Variants in FAT2 observed in about 807,000 individuals in gnomAD.
FAT2 encodes protocadherin Fat 2.
In FAT2, 150 loss-of-function variants were observed where a neutral mutation model predicts 295.3. The ratio of observed to expected loss-of-function variants is 0.51; its 90% CI spans 0.44 to 0.58. FAT2 has a LOEUF of 0.58. Among genes scored for constraint, FAT2 ranks in the 20% least tolerant of loss-of-function variants. The probability of loss-of-function intolerance (pLI) is 0.00; values close to 1 mark genes in which losing one functional copy is unlikely to be tolerated. For synonymous variants in FAT2, 2,026 were observed against 2,150.3 expected (o/e 0.94, Z 1.60); for missense variants, 4,868 against 5,442.7 (o/e 0.89, Z 3.32).
In FAT2 at chr5:151,507,224, C is replaced by T. The variant is rs758682292; in HGVS notation, c.12447G>A (p.Pro4149=). ...PVVCSVPPRL[P]PAAVPSHSDN... Reference sequence around the variant, plus strand: ...CAGAGTGGGAAGGGACCGCAGCTGGCGGGAGTCTGGGGGGCACACTGCAGA... The same window carrying T: ...CAGAGTGGGAAGGGACCGCAGCTGGTGGGAGTCTGGGGGGCACACTGCAGA... The change falls in exon 23 of 24, where the codon CCG becomes CCA. Residue 4149 remains proline, a synonymous_variant. Transcript: ENST00000261800. The T allele has an allele frequency of 6.4e-5, 103 of 1,612,932 alleles. No homozygotes were observed. Among genetic ancestry groups the T allele is most frequent in the Non-Finnish European group, 7.8e-5 (92 of 1,179,312 alleles).
intron 17 of FAT2, 21 bp downstream of exon 17, chr5:151,527,213 G>T: frequency 6.3e-7 from 1 of 1,588,566 alleles, no homozygotes; most frequent in South Asian, 1.1e-5. Context: ...GGCTCAGGGT[G>T]CCTTGGAGGC....
intron 13 of FAT2, 60 bp from the exon 14 acceptor site, chr5:151,532,030 A>T: frequency 6.3e-7 from 1 of 1,582,092 alleles, no homozygotes. Flanking sequence ...ACCTGCCTGC[A>T]GCAAACCCTG....
intron 20 of FAT2, among the ~76,000 whole-genome samples, chr5:151,514,461 A>G (rs1302926943): frequency 1.3e-5 from 2 of 152,168 alleles, no homozygotes; most frequent in Non-Finnish European, 2.9e-5. Context: ...CTCTTGGTAA[A>G]CCCACAACTA....
chr5:151,556,514 T>C, intron 3 of FAT2, 112 bp from the exon 4 acceptor site: 1 of 718,842 alleles, frequency 1.4e-6, no homozygotes, highest in South Asian at 1.8e-5. Context: ...TTCTGATCTT[T>C]GAAGAACATG....
In FAT2 at chr5:151,521,271, C is replaced by A; in HGVS notation, c.11317+5G>T. The A allele has an allele frequency of 1.2e-6, 2 of 1,600,578 alleles. No individual in the cohort carries two copies. The highest frequency in any genetic ancestry group is 8.5e-7 in the Non-Finnish European group (1 of 1,171,842). ...GCTCGTCCCTAGGGAAGATGTAGTA[C>A]TTACCATTGCAGGAGCAGCTCCTCT... On this transcript the variant is annotated splice_donor_5th_base_variant and intron_variant, in intron 19 of 23. Coordinates refer to ENST00000261800, the MANE Select transcript of FAT2 (RefSeq NM_001447.3).
At chr5:151,586,239 A>C (rs150435235) in intron 1 of FAT2, among the ~76,000 whole-genome samples, 171 of 152,316 alleles carry the variant, frequency 1.1e-3, no homozygotes, top group Non-Finnish European at 2.0e-3. Flanking sequence ...GGCGTGTTTC[A>C]TCCTGCTTGG....
At chr5:151,507,693 G>A (rs931464646) in intron 22 of FAT2, 82 bp from the exon 23 acceptor site, 1 of 1,295,156 alleles carries the variant, frequency 7.7e-7, no homozygotes, top group Non-Finnish European at 1.0e-6. Context: ...ATGGGATAGA[G>A]ACTGCTCCCC....
chr5:151,563,001 A>G (rs532063362), intron 3 of FAT2, among the ~76,000 whole-genome samples: 201 of 152,290 alleles, frequency 1.3e-3, no homozygotes, highest in African/African-American at 4.7e-3. Flanking sequence ...AGGTTGACCA[A>G]TGGGCAACCT....
intron 3 of FAT2, among the ~76,000 whole-genome samples, chr5:151,562,639 AC>A (rs1561870808): frequency 1.3e-5 from 2 of 152,240 alleles, no homozygotes; most frequent in South Asian, 4.1e-4. Context: ...TTTTTAAAAA[AC>A]AACCAGAAAC....
intron 20 of FAT2, among the ~76,000 whole-genome samples, chr5:151,516,448 A>G (rs1752871452): frequency 6.6e-6 from 1 of 152,170 alleles, no homozygotes; most frequent in Admixed American, 6.5e-5. Context: ...CCCAGGAGGC[A>G]GAGGTTGCAG....
chr5:151,528,849 C>A (rs1724073082), intron 15 of FAT2, among the ~76,000 whole-genome samples: 1 of 152,194 alleles, frequency 6.6e-6, no homozygotes, highest in Non-Finnish European at 1.5e-5. Flanking sequence ...TATGACCAGG[C>A]CCTTCCCAGG....
rs148005971 is a variant in FAT2, at chr5:151,523,899, C to T, written c.10507-1813G>A. Among the ~76,000 whole-genome samples, 7 of 152,278 alleles carry T rather than the reference C, an allele frequency of 4.6e-5. No homozygotes were observed. The East Asian group carries it at 7.7e-4, about 17-fold the overall frequency. On this transcript the variant is annotated intron_variant, in intron 18 of 23. Transcript: ENST00000261800. ...TCCAGTCTCATAAATGCACTACCAC[C>T]GAAGTCTTCATGGGAGCCAACAATT...
At position 151,566,164 on chromosome 5, in the gene FAT2, G is replaced by A. The variant is rs1758253925; in HGVS notation, c.2768C>T (p.Pro923Leu). Residue 923 changes from proline to leucine, a missense_variant, in exon 2 of 24, where the codon CCC (proline) becomes CTC (leucine). Around this residue, in one of 5 missense-constraint regions of FAT2, gnomAD observed 3,297 missense variants for 3,669.4 expected, o/e 0.90. Coordinates refer to ENST00000261800, the MANE Select transcript of FAT2 (RefSeq NM_001447.3). Reference sequence around the variant, plus strand: ...CCTGTTGTGTTCTGTGATGCACTGGGGAGAGTTGTCGTTGACATCCTCCAA... The same window carrying A: ...CCTGTTGTGTTCTGTGATGCACTGGAGAGAGTTGTCGTTGACATCCTCCAA... The part of the protein sequence containing the change: ...ITLEDVNDNS[P>L]QCITEHNRLK... 1.9e-6 allele frequency: 3 copies of A among 1,614,024 alleles called. No individual in the cohort carries two copies. Among genetic ancestry groups the A allele is most frequent in the African/African-American group, 2.7e-5 (2 of 74,904 alleles).
Position 151,542,796 on chromosome 5 carries a change from C to A in FAT2, c.8331G>T (p.Val2777=), listed in dbSNP as rs2127606163. ...VMAHCLQNTD[V]VSLVSVNIQV... is the part of the protein sequence containing the mutation. Reference sequence around the variant, plus strand: ...GGATGTTGACAGAGACCAAGGACACCACATCAGTGTTCTGAAGGCAATGTG... The same window carrying A: ...GGATGTTGACAGAGACCAAGGACACAACATCAGTGTTCTGAAGGCAATGTG... Residue 2777 remains valine, a synonymous_variant, in exon 10 of 24, where the codon GTG becomes GTT. Coordinates refer to ENST00000261800, the MANE Select transcript of FAT2 (RefSeq NM_001447.3). 2 of 1,614,162 alleles carry A rather than the reference C, an allele frequency of 1.2e-6. No individual in the cohort carries two copies. Among genetic ancestry groups the A allele is most frequent in the South Asian group, 1.1e-5 (1 of 91,082 alleles).
rs2127630863 is a variant in FAT2, at chr5:151,554,501, G to A, written c.3806C>T (p.Ser1269Leu). The change falls in exon 5 of 24, where the codon TCA becomes TTA. Residue 1269 changes from serine (S) to leucine (L), a missense_variant. This residue lies in a region of FAT2 where 3,297 missense variants were observed against 3,669.4 expected (regional missense o/e 0.90). Coordinates refer to ENST00000261800, the MANE Select transcript of FAT2 (RefSeq NM_001447.3). ...SPGPVYRLVA[S>L]DLDEGLNGRV... The stretch of plus-strand genomic sequence containing the variant: ...GCCATTAAGACCCTCATCCAGGTCT[G>A]AAGCCACCAGCCTGTACACAGGCCC... The A allele has an allele frequency of 6.2e-7, 1 of 1,614,230 alleles. No individual in the cohort carries two copies.
At chr5:151,573,381 C>T (rs931247323) in intron 1 of FAT2, among the ~76,000 whole-genome samples, 5 of 152,192 alleles carry the variant, frequency 3.3e-5, no homozygotes, top group Admixed American at 6.5e-5. Flanking sequence ...TCAGGCCAGG[C>T]GCAGTGGCTC....
intron 4 of FAT2, among the ~76,000 whole-genome samples, chr5:151,555,785 T>C (rs1476712650): frequency 1.3e-5 from 2 of 152,194 alleles, no homozygotes; most frequent in African/African-American, 4.8e-5. Flanking sequence ...CTTTTAAAAC[T>C]AGAAGAGATC....
chr5:151,513,084 G>C (rs1477393603), intron 20 of FAT2, among the ~76,000 whole-genome samples: 1 of 152,188 alleles, frequency 6.6e-6, no homozygotes, highest in Non-Finnish European at 1.5e-5. Flanking sequence ...CCTAAGAGTT[G>C]ATTTGCCTTT....
Position 151,504,569 on chromosome 5 carries a change from G to C in FAT2, c.*996C>G, listed in dbSNP as rs958288161. ...GGCAGGTGTCCAGCCTGGACACTGC[G>C]GTCCAGCTCCCTGCTTCCAACCGGC... On this transcript the variant is annotated 3_prime_UTR_variant, in exon 24 of 24. Transcript: ENST00000261800. The C allele has an allele frequency of 1.3e-5, 2 of 152,652 alleles. No homozygotes were observed. Among genetic ancestry groups the C allele is most frequent in the African/African-American group, 4.8e-5 (2 of 41,456 alleles). The allele number at this position is 152,652 out of a possible 1,614,324, so 9.5% of individuals were successfully genotyped here. A position where few individuals can be genotyped will look rare whatever the true frequency, so the allele number is the denominator to read the frequency against.
Sources: allele counts gnomAD v4.1 joint callset (sites outside exome capture counted in the v4.1 genomes callset), GRCh38; gene constraint gnomAD v4.1.1; regional missense constraint gnomAD v4.1.1; transcripts MANE v1.5; gene names NCBI Gene and HGNC (gene_info 2026-07-23, HGNC 2026-07-21).